The following PRKD2 variants were observed in gnomAD, a reference collection of about 807,000 sequenced individuals.
PRKD2 encodes serine/threonine-protein kinase D2.
A neutral mutation model predicts 86.0 loss-of-function variants in PRKD2; 22 were observed. That is an observed-to-expected ratio of 0.26 (90% CI 0.18 to 0.37). PRKD2 has a LOEUF of 0.37. PRKD2 is among the 10% of genes least tolerant of loss of function. The pLI is 1.00. For synonymous variants in PRKD2, 509 were observed against 510.9 expected (o/e 1.00, Z 0.05); for missense variants, 818 against 1,199.2 (o/e 0.68, Z 4.70).
chr19:46,714,257 G>A lies in PRKD2; in HGVS notation c.241-256C>T, dbSNP rs1299626508. The A allele has an allele frequency of 3.2e-6, 4 of 1,268,738 alleles. No homozygotes were observed. In the African/African-American group the frequency reaches 6.0e-5, roughly 19 times the overall value. The allele number at this position is 1,268,738 out of a possible 1,614,324, so 78.6% of individuals were successfully genotyped here. A position where few individuals can be genotyped will look rare whatever the true frequency, so the allele number is the denominator to read the frequency against. ...GGGAGCTGGGGTGGGAGGGAGAGTG[G>A]CTCCGGGAGCGTGGACACCTCGAAT... On this transcript the variant is annotated intron_variant, in intron 1 of 17. Transcript: ENST00000291281.
chr19:46,713,210 A>G (rs2053833319), intron 2 of PRKD2, among the ~76,000 whole-genome samples: 2 of 142,448 alleles, frequency 1.4e-5, no homozygotes, highest in Admixed American at 1.4e-4. Flanking sequence ...TTTTTTTTTA[A>G]GAGATGGGGT....
chr19:46,686,349 A>G (rs556357244), intron 14 of PRKD2, among the ~76,000 whole-genome samples: 13 of 151,970 alleles, frequency 8.6e-5, no homozygotes, highest in Admixed American at 5.3e-4. Context: ...CATAAAAAAA[A>G]ATTAGCCAGG....
chr19:46,713,759 C>T (rs1599845240), intron 2 of PRKD2, 104 bp downstream of exon 2: 1 of 1,141,410 alleles, frequency 8.8e-7, no homozygotes, highest in Non-Finnish European at 1.2e-6. Flanking sequence ...GCGTGAGCCA[C>T]TACACCCGGC....
chr19:46,691,698 C>T (rs778683345), intron 12 of PRKD2, 37 bp downstream of exon 12: 17 of 1,604,506 alleles, frequency 1.1e-5, no homozygotes, highest in Middle Eastern at 2.3e-4. Flanking sequence ...TCCCCCAGCC[C>T]GGGGCTCCCT....
chr19:46,692,077 C>G, intron 10 of PRKD2, 92 bp from the exon 11 acceptor site: 1 of 1,282,178 alleles, frequency 7.8e-7, no homozygotes, highest in Non-Finnish European at 1.1e-6. Context: ...AGTCAGGCCA[C>G]CCAGATTTGA....
At chr19:46,687,213 C>G (rs1403922896) in intron 14 of PRKD2, among the ~76,000 whole-genome samples, 1 of 152,056 alleles carries the variant, frequency 6.6e-6, no homozygotes, top group East Asian at 1.9e-4. Flanking sequence ...GGCAACATAG[C>G]AAGTCTTTAT....
intron 14 of PRKD2, among the ~76,000 whole-genome samples, chr19:46,682,101 G>A (rs2053316774): frequency 6.6e-6 from 1 of 152,022 alleles, no homozygotes; most frequent in Non-Finnish European, 1.5e-5. Flanking sequence ...CTACCTCCAG[G>A]GCTCAAGTGA....
At chr19:46,690,574 G>T (rs770646754) in intron 13 of PRKD2, 26 bp downstream of exon 13, 1 of 1,609,646 alleles carries the variant, frequency 6.2e-7, no homozygotes, top group South Asian at 1.1e-5. Context: ...GGAAGAAGCA[G>T]AAAGGGAAGG....
rs371629638 is a variant in PRKD2 at position 46,714,010 on chromosome 19, C to G, written c.241-9G>C. On this transcript the variant is annotated splice_polypyrimidine_tract_variant and intron_variant, in intron 1 of 17. Coordinates refer to ENST00000291281, the MANE Select transcript of PRKD2 (RefSeq NM_016457.5). Reference sequence around the variant, plus strand: ...AAGCCACACTCAGGGAACTGAGGGGCGGGAGAGGGATGTGGCGACGGAAAA... The same window carrying G: ...AAGCCACACTCAGGGAACTGAGGGGGGGGAGAGGGATGTGGCGACGGAAAA... 1.2e-6 allele frequency: 2 copies of G among 1,612,206 alleles called. No homozygotes were observed. Among genetic ancestry groups the G allele is most frequent in the Non-Finnish European group, 1.7e-6 (2 of 1,179,018 alleles).
At chr19:46,679,417 G>A (rs937306012) in intron 15 of PRKD2, among the ~76,000 whole-genome samples, 2 of 152,200 alleles carry the variant, frequency 1.3e-5, no homozygotes, top group Non-Finnish European at 2.9e-5. Context: ...AAAGAGAAAT[G>A]TATGCAACGT....
In PRKD2 at chr19:46,674,744, G is replaced by A. The variant is rs778772316; in HGVS notation, c.2425-9C>T. The A allele has an allele frequency of 6.2e-7, 1 of 1,601,744 alleles. No homozygotes were observed. The highest frequency in any genetic ancestry group is 1.1e-5 in the South Asian group (1 of 90,736). ...AGCCACGTCTGGTACTCCTGGGCCC[G>A]AGAGAACTGGGGTTAGCTTGGGGTC... On this transcript the variant is annotated splice_polypyrimidine_tract_variant and intron_variant, in intron 17 of 17. Transcript: ENST00000291281.
chr19:46,685,277 A>AG (rs778065725), intron 14 of PRKD2: 1 of 148,270 alleles, frequency 6.7e-6, no homozygotes, highest in Non-Finnish European at 1.5e-5. Context: ...AAAAAAAAAA[A>AG]GAAAAGAAAG....
chr19:46,704,914 T>C (rs1415273831), intron 3 of PRKD2, among the ~76,000 whole-genome samples: 62 of 92,296 alleles, frequency 6.7e-4, no homozygotes, highest in African/African-American at 4.8e-4. Context: ...CCCACACCCC[T>C]TTTCTCACTC....
chr19:46,689,762 G>A, intron 13 of PRKD2, 64 bp from the exon 14 acceptor site: 2 of 1,576,446 alleles, frequency 1.3e-6, no homozygotes, highest in Admixed American at 3.4e-5. Flanking sequence ...AACGGGTCAG[G>A]TATAGGAGCA....
intron 1 of PRKD2, chr19:46,714,304 G>A (rs2053852134): frequency 8.6e-7 from 1 of 1,166,284 alleles, no homozygotes; most frequent in Non-Finnish European, 1.1e-6. Context: ...TGGCGGAGGT[G>A]GGAGGGGATG....
intron 9 of PRKD2, 116 bp downstream of exon 9, chr19:46,697,041 T>C: frequency 1.2e-6 from 1 of 853,546 alleles, no homozygotes; most frequent in South Asian, 1.4e-5. Context: ...AGGCTGGGGG[T>C]GGGCAGAGGG....
rs757208516 is a variant in PRKD2 at position 46,716,242 on chromosome 19, G to A, written c.129C>T (p.Ser43=). The A allele has an allele frequency of 2.5e-6, 4 of 1,605,374 alleles. No individual in the cohort carries two copies. Among genetic ancestry groups the A allele is most frequent in the Non-Finnish European group, 3.4e-6 (4 of 1,176,728 alleles). The change falls in exon 1 of 18, where the codon TCC becomes TCT. Residue 43 remains serine, a synonymous_variant. Coordinates refer to ENST00000291281, the MANE Select transcript of PRKD2 (RefSeq NM_016457.5). The surrounding 1 kb of genome is among the most constrained non-coding windows in gnomAD (Gnocchi z 7.9). The part of the protein sequence containing the change: ...PLLPQIPAPG[S]GVSFHIQIGL... ...CGATCTGGATGTGAAAGGAGACCCCGGAACCCGGGGCCGGGATCTGGGGCA... is the reference window on the plus strand; with the variant it reads ...CGATCTGGATGTGAAAGGAGACCCCAGAACCCGGGGCCGGGATCTGGGGCA...
chr19:46,704,325 A>C lies in PRKD2; in HGVS notation c.733T>G (p.Ser245Ala). Reference protein sequence around the residue: ...PSSSSSSSASSYTGRPIELDK... With the variant: ...PSSSSSSSASAYTGRPIELDK... ...AGCTCAATGGGGCGGCCCGTATACG[A>C]TGAGGCAGAAGAGGAGGAAGAGGAT... is the stretch of plus-strand genomic sequence containing the variant. Residue 245 changes from serine to alanine, a missense_variant, in exon 5 of 18, where the codon TCG becomes GCG. Coordinates refer to ENST00000291281, the MANE Select transcript of PRKD2 (RefSeq NM_016457.5). 2 of 1,614,176 alleles carry C rather than the reference A, an allele frequency of 1.2e-6. No individual in the cohort carries two copies. Among genetic ancestry groups the C allele is most frequent in the Non-Finnish European group, 1.7e-6 (2 of 1,180,024 alleles).
rs1568709759 is a variant in PRKD2, at chr19:46,675,129, AAG to A, written c.2339-13_2339-12del. 2 of 1,605,620 alleles carry A rather than the reference AAG, an allele frequency of 1.2e-6. No homozygotes were observed. The highest frequency in any genetic ancestry group is 2.7e-5 in the African/African-American group (2 of 74,842). ...TGATGAGGTCAATGGCTGCACAGGAAAGAGAAACAGGTCAAGCCCTACAGGTC... is the reference window on the plus strand; with the variant it reads ...TGATGAGGTCAATGGCTGCACAGGAAAGAAACAGGTCAAGCCCTACAGGTC... On this transcript the variant is annotated splice_polypyrimidine_tract_variant and intron_variant, in intron 16 of 17. Transcript: ENST00000291281.
Sources: gnomAD v4.1 joint callset for allele counts (sites outside exome capture counted in the v4.1 genomes callset) on GRCh38, gnomAD v4.1.1 for gene constraint, Gnocchi (gnomAD v3.1) non-coding constraint, MANE v1.5 for transcripts, NCBI Gene and HGNC (gene_info 2026-07-23, HGNC 2026-07-21) for gene names.